PWWP2A: variants seen among roughly 807,000 people sequenced by gnomAD.
PWWP2A encodes the protein PWWP domain-containing protein 2A.
Under a neutral mutation model 48.5 loss-of-function variants are expected in PWWP2A, and 18 were observed. The observed-to-expected ratio is 0.37, with a 90% CI of 0.26 to 0.55. The LOEUF is 0.55. PWWP2A is among the 20% of genes least tolerant of loss of function. The probability of loss-of-function intolerance (pLI) is 0.81; values close to 1 mark genes in which losing one functional copy is unlikely to be tolerated. For synonymous variants in PWWP2A, 396 were observed against 387.7 expected (o/e 1.02, Z -0.25); for missense variants, 867 against 976.4 (o/e 0.89, Z 1.49).
intron 1 of PWWP2A, chr5:160,108,486 T>C (rs1373772627): frequency 4.0e-6 from 3 of 758,232 alleles, no homozygotes; most frequent in African/African-American, 3.6e-5. Context: ...GCATACTACT[T>C]GAGGGCCTAA....
At chr5:160,099,839 T>C (rs367629860) in intron 1 of PWWP2A, among the ~76,000 whole-genome samples, 280 of 152,070 alleles carry the variant, frequency 1.8e-3, no homozygotes, top group African/African-American at 6.3e-3. Context: ...CTAATTTTTG[T>C]ATTTTTAGTA....
At chr5:160,101,469 A>G (rs917239123) in intron 1 of PWWP2A, among the ~76,000 whole-genome samples, 2 of 152,206 alleles carry the variant, frequency 1.3e-5, no homozygotes, top group Non-Finnish European at 2.9e-5. Context: ...TAAAGTAGTC[A>G]AATTCACAGA....
chr5:160,078,111 TTC>T lies in PWWP2A; in HGVS notation c.*42_*43del. Reference sequence around the variant, plus strand: ...TTCATTCAGTCCTGATGCTCTGGTGTTCTCTGTGTCATTGTGGTACAGGTCCA... The same window carrying T: ...TTCATTCAGTCCTGATGCTCTGGTGTTCTGTGTCATTGTGGTACAGGTCCA... On this transcript the variant is annotated 3_prime_UTR_variant, in exon 4 of 4. Coordinates refer to the PWWP2A transcript ENST00000456329. This position sits in a 1 kb window ranked among gnomAD's most constrained non-coding sequence, Gnocchi z 4.2. 1 of 1,510,850 alleles carries T rather than the reference TTC, an allele frequency of 6.6e-7. No homozygotes were observed. Among genetic ancestry groups the T allele is most frequent in the African/African-American group, 1.4e-5 (1 of 72,518 alleles). The allele number at this position is 1,510,850 out of a possible 1,614,324, so 93.6% of individuals were successfully genotyped here. A position where few individuals can be genotyped will look rare whatever the true frequency, so the allele number is the denominator to read the frequency against.
downstream of PWWP2A, among the ~76,000 whole-genome samples, chr5:160,087,680 AATG>A (rs1273633140): frequency 6.6e-6 from 1 of 152,134 alleles, no homozygotes; most frequent in Non-Finnish European, 1.5e-5. Flanking sequence ...TATAATTAAA[AATG>A]ATTAAGATGA....
chr5:160,065,161 A>G, intron 4 of PWWP2A: 9 of 1,515,942 alleles, frequency 5.9e-6, no homozygotes, highest in Non-Finnish European at 7.1e-6. Flanking sequence ...TTTTAAAAGC[A>G]TCTTATCTAA....
In PWWP2A at chr5:160,092,837, C is replaced by CA; in HGVS notation, c.1812dup (p.Asp605Ter). The CA allele has an allele frequency of 6.4e-7, 1 of 1,551,612 alleles. No individual in the cohort carries two copies. On this transcript the variant is annotated frameshift_variant, in exon 2 of 2. Transcript: ENST00000307063. LOFTEE classifies it high-confidence loss of function. ...GCATGCATACTGCCTGGAGGAAAAT[C>CA]AAAGCTTTCAGAAGAACTACACTCA...
chr5:160,079,340 G>A (rs543211948), intron 3 of PWWP2A, among the ~76,000 whole-genome samples: 1 of 151,130 alleles, frequency 6.6e-6, no homozygotes, highest in Non-Finnish European at 1.5e-5. Context: ...ATTTCACTGG[G>A]TATTCTATCA....
chr5:160,064,164 T>C (rs1387653230), intron 4 of PWWP2A, among the ~76,000 whole-genome samples: 1 of 152,080 alleles, frequency 6.6e-6, no homozygotes, highest in Non-Finnish European at 1.5e-5. Context: ...AGATAGGGTT[T>C]CATCATGTTG....
downstream of PWWP2A, among the ~76,000 whole-genome samples, chr5:160,071,076 C>G (rs1344154332): frequency 6.6e-6 from 1 of 152,152 alleles, no homozygotes; most frequent in Non-Finnish European, 1.5e-5. Context: ...GTAGTCCCAG[C>G]TACTTAGGAG....
intron 1 of PWWP2A, among the ~76,000 whole-genome samples, chr5:160,098,868 C>T (rs772718376): frequency 6.6e-6 from 1 of 151,998 alleles, no homozygotes; most frequent in Non-Finnish European, 1.5e-5. Context: ...CTCAGGAGGC[C>T]GAGGTTGCAG....
At chr5:160,116,806 G>C (rs1036888842) in intron 1 of PWWP2A, 1 of 985,026 alleles carries the variant, frequency 1.0e-6, no homozygotes, top group East Asian at 1.1e-4. Context: ...ATATACATCA[G>C]TAGAGGCCGG....
rs1401226576 is a variant in PWWP2A at position 160,092,863 on chromosome 5, G to C, written c.1787C>G (p.Ser596Cys). 6.4e-7 allele frequency: 1 copy of C among 1,551,718 alleles called. No individual in the cohort carries two copies. The highest frequency in any genetic ancestry group is 1.2e-5 in the South Asian group (1 of 84,064). Residue 596 changes from serine (S) to cysteine (C), a missense_variant, in exon 2 of 2, where the codon TCT (serine) becomes TGT (cysteine). Transcript: ENST00000307063. ...AAAGCTTTCAGAAGAACTACACTCA[G>C]AGTTGGAAGATTTCAAATCATCTGT... ...DSTDDLKSSN[S>C]ECSSSESFDF...
the PWWP2A span, among the ~76,000 whole-genome samples, chr5:160,050,630 T>TC: frequency 6.9e-6 from 1 of 145,884 alleles, no homozygotes. Flanking sequence ...AACAAAACTT[T>TC]TTTTTTTTTT....
intron 1 of PWWP2A, 148 bp from the exon 2 acceptor site, chr5:160,094,213 T>G (rs556423862): frequency 1.9e-6 from 2 of 1,061,390 alleles, no homozygotes; most frequent in African/African-American, 3.2e-5. Context: ...AAATCTACTA[T>G]CTCTTCCCCC....
intron 4 of PWWP2A, chr5:160,065,160 C>A: frequency 6.6e-7 from 1 of 1,515,772 alleles, no homozygotes; most frequent in Non-Finnish European, 8.9e-7. Context: ...CTTTTAAAAG[C>A]ATCTTATCTA....
At chr5:160,097,715 G>A (rs1310596786) in intron 1 of PWWP2A, among the ~76,000 whole-genome samples, 1 of 146,524 alleles carries the variant, frequency 6.8e-6, no homozygotes, top group African/African-American at 2.5e-5. Context: ...TTGGGGGGGG[G>A]GGCGGTTGTT....
At chr5:160,110,601 G>T (rs1228965740) in intron 1 of PWWP2A, among the ~76,000 whole-genome samples, 1 of 152,054 alleles carries the variant, frequency 6.6e-6, no homozygotes, top group Non-Finnish European at 1.5e-5. Context: ...AGCTACTCGG[G>T]AGGCTGAGGC....
At chr5:160,111,923 G>A (rs1757613241) in intron 1 of PWWP2A, among the ~76,000 whole-genome samples, 1 of 151,888 alleles carries the variant, frequency 6.6e-6, no homozygotes, top group Non-Finnish European at 1.5e-5. Context: ...GAGAGGCCCA[G>A]GCGGATGAGC....
chr5:160,044,960 T>G, the PWWP2A span, among the ~76,000 whole-genome samples: 1 of 152,220 alleles, frequency 6.6e-6, no homozygotes, highest in Non-Finnish European at 1.5e-5. Flanking sequence ...AATGAAACTC[T>G]TTCTATATTA....
Sources: allele counts gnomAD v4.1 joint callset (sites outside exome capture counted in the v4.1 genomes callset), GRCh38; gene constraint gnomAD v4.1.1; non-coding constraint Gnocchi (gnomAD v3.1); transcripts MANE v1.5; gene names NCBI Gene and HGNC (gene_info 2026-07-23, HGNC 2026-07-21).